DOCK4: variants seen among roughly 807,000 people sequenced by gnomAD.
The protein encoded by DOCK4 is dedicator of cytokinesis 4, also known as dedicator of cytokinesis protein 4.
Under a neutral mutation model 268.1 loss-of-function variants are expected in DOCK4, and 97 were observed. The ratio of observed to expected loss-of-function variants is 0.36; its 90% CI spans 0.31 to 0.43. The LOEUF (loss-of-function observed/expected upper bound fraction) is 0.43. Among genes scored for constraint, DOCK4 ranks in the 20% least tolerant of loss-of-function variants. The pLI, the probability that DOCK4 is intolerant of heterozygous loss-of-function variation, is 1.00. For synonymous variants in DOCK4, 954 were observed against 887.2 expected (o/e 1.08, Z -1.34); for missense variants, 2,145 against 2,455.7 (o/e 0.87, Z 2.67).
chr7:111,922,122 T>C (rs1055686686), intron 12 of DOCK4, among the ~76,000 whole-genome samples: 3 of 152,230 alleles, frequency 2.0e-5, no homozygotes, highest in Admixed American at 2.0e-4. Flanking sequence ...TGTCCTCAGA[T>C]ACTAGTAAGT....
At chr7:111,790,661 AAATT>A (rs1340675162) in intron 30 of DOCK4, 56 bp from the exon 31 acceptor site, 3 of 1,468,170 alleles carry the variant, frequency 2.0e-6, no homozygotes, top group Non-Finnish European at 1.8e-6. Flanking sequence ...ATGATTTCAG[AAATT>A]AATATCATAA....
intron 23 of DOCK4, among the ~76,000 whole-genome samples, chr7:111,853,651 G>A (rs745768936): frequency 6.6e-6 from 1 of 152,266 alleles, no homozygotes; most frequent in East Asian, 1.9e-4. Flanking sequence ...GGAGGGCTAC[G>A]GATGATCCCT....
intron 1 of DOCK4, among the ~76,000 whole-genome samples, chr7:112,128,066 T>G (rs1318988032): frequency 6.6e-6 from 1 of 152,120 alleles, no homozygotes; most frequent in East Asian, 1.9e-4. Context: ...TATGCCTCAT[T>G]TACTTAAAAC....
intron 1 of DOCK4, among the ~76,000 whole-genome samples, chr7:112,033,243 A>G (rs368719894): frequency 1.3e-5 from 2 of 152,334 alleles, no homozygotes. Context: ...TGGGCTAACA[A>G]AAACAAATAC....
At chr7:112,104,777 A>G (rs976768080) in intron 1 of DOCK4, among the ~76,000 whole-genome samples, 1 of 152,230 alleles carries the variant, frequency 6.6e-6, no homozygotes, top group Non-Finnish European at 1.5e-5. Context: ...AGAATGCTAT[A>G]GAGTGAATGG....
intron 1 of DOCK4, among the ~76,000 whole-genome samples, chr7:112,031,367 T>C (rs1803255281): frequency 6.6e-6 from 1 of 152,244 alleles, no homozygotes; most frequent in African/African-American, 2.4e-5. Flanking sequence ...CTTTTGTTGT[T>C]GTTTCTTTAG....
At chr7:111,811,604 T>G (rs1801138244) in intron 28 of DOCK4, among the ~76,000 whole-genome samples, 1 of 152,162 alleles carries the variant, frequency 6.6e-6, no homozygotes, top group African/African-American at 2.4e-5. Context: ...CACTATGTTT[T>G]GAGTCTCCTT....
intron 29 of DOCK4, 99 bp from the exon 30 acceptor site, chr7:111,808,978 C>A: frequency 7.3e-7 from 1 of 1,369,964 alleles, no homozygotes; most frequent in Non-Finnish European, 1.0e-6. Context: ...AATTACAAGG[C>A]AAGGAGTTTT....
rs940560445 is a variant in DOCK4 at position 111,758,018 on chromosome 7, G to A, written c.4329+606C>T. Among the ~76,000 whole-genome samples, 4 of 152,194 alleles carry A rather than the reference G, an allele frequency of 2.6e-5. No individual in the cohort carries two copies. In the South Asian group the frequency reaches 8.3e-4, roughly 32 times the overall value. ...TGGCTGAGGGTGCTGAAGTAGGAAG[G>A]CGTGTTGGAACTACTGAGAGCAGAG... is the stretch of plus-strand genomic sequence containing the variant. On this transcript the variant is annotated intron_variant, in intron 41 of 52. Transcript: ENST00000428084.
intron 8 of DOCK4, among the ~76,000 whole-genome samples, chr7:111,959,366 G>T (rs1368047104): frequency 2.6e-5 from 4 of 152,104 alleles, no homozygotes; most frequent in African/African-American, 9.7e-5. Context: ...TCACATTTTT[G>T]AGCTGATTTT....
chr7:112,052,015 A>C (rs1457535130), intron 1 of DOCK4, among the ~76,000 whole-genome samples: 1 of 152,126 alleles, frequency 6.6e-6, no homozygotes, highest in African/African-American at 2.4e-5. Context: ...ATGCTCAAAC[A>C]GTTCCTTATA....
intron 1 of DOCK4, among the ~76,000 whole-genome samples, chr7:112,010,297 T>C (rs999386224): frequency 3.9e-5 from 6 of 152,220 alleles, no homozygotes; most frequent in African/African-American, 1.2e-4. Flanking sequence ...TCTAGCTGTC[T>C]GGGACAGGGC....
chr7:112,128,281 C>T (rs1027270274), intron 1 of DOCK4, among the ~76,000 whole-genome samples: 5 of 151,616 alleles, frequency 3.3e-5, no homozygotes, highest in Admixed American at 1.3e-4. Flanking sequence ...CCGCCCCGTC[C>T]GGGAGGGAGG....
rs559297246 is a variant in DOCK4 at position 112,041,524 on chromosome 7, T to C, written c.38-37393A>G. Among the ~76,000 whole-genome samples the C allele has an allele frequency of 5.9e-5, 9 of 152,326 alleles. No homozygotes were observed. In the East Asian group the frequency reaches 1.4e-3, roughly 23 times the overall value. ...TTTCAAAAATGCTGGAAGTTAATTA[T>C]GCCAAATCATATAATTACTGTGTAA... On this transcript the variant is annotated intron_variant, in intron 1 of 52. Transcript: ENST00000428084.
chr7:111,940,179 C>A lies in DOCK4; in HGVS notation c.908G>T (p.Cys303Phe), dbSNP rs1795094228. The change falls in exon 11 of 53, where the codon TGT becomes TTT. Residue 303 changes from cysteine to phenylalanine, a missense_variant. By Grantham distance (205) the Cys-to-Phe change is radical. Around this residue, in one of 2 missense-constraint regions of DOCK4, gnomAD observed 1,598 missense variants for 1,986.7 expected, o/e 0.80. Coordinates refer to ENST00000428084, the MANE Select transcript of DOCK4 (RefSeq NM_001363540.2). ...CSVQYRRPFG[C>F]AVLSIADLLT... ...CAGGTCAGCGATGCTAAGAACTGCA[C>A]AGCCAAAGGGTCGTCGGTACTGGAC... 6.2e-7 allele frequency: 1 copy of A among 1,613,888 alleles called. No homozygotes were observed. Among genetic ancestry groups the A allele is most frequent in the African/African-American group, 1.3e-5 (1 of 74,930 alleles).
At chr7:111,963,890 TCCCTGAC>T (rs1797156272) in intron 8 of DOCK4, among the ~76,000 whole-genome samples, 1 of 76,398 alleles carries the variant, frequency 1.3e-5, no homozygotes, top group African/African-American at 6.9e-5. Flanking sequence ...CTCAAGTGGG[TCCCTGAC>T]CCCTGACCCC....
chr7:112,088,994 C>A (rs1809374089), intron 1 of DOCK4, among the ~76,000 whole-genome samples: 2 of 152,200 alleles, frequency 1.3e-5, no homozygotes, highest in African/African-American at 4.8e-5. Flanking sequence ...AAAAGACACA[C>A]TGGATTTCGA....
At chr7:111,876,749 T>TG (rs1491471866) in intron 17 of DOCK4, among the ~76,000 whole-genome samples, 1 of 71,164 alleles carries the variant, frequency 1.4e-5, no homozygotes, top group Non-Finnish European at 3.3e-5. Context: ...GGTATTTTCG[T>TG]TTTTTTTTTT....
chr7:111,771,629 T>C (rs1389181355), intron 36 of DOCK4, among the ~76,000 whole-genome samples: 1 of 152,194 alleles, frequency 6.6e-6, no homozygotes, highest in African/African-American at 2.4e-5. Context: ...GGCATCTAGT[T>C]TTCTCTGACA....
Sources: gnomAD v4.1 joint callset for allele counts (sites outside exome capture counted in the v4.1 genomes callset) on GRCh38, gnomAD v4.1.1 for gene constraint, gnomAD v4.1.1 regional missense constraint, MANE v1.5 for transcripts, NCBI Gene and HGNC (gene_info 2026-07-23, HGNC 2026-07-21) for gene names.